BBS9: variants seen among roughly 807,000 people sequenced by gnomAD.
BBS9 encodes the protein Bardet-Biedl syndrome 9.
A neutral mutation model predicts 117.7 loss-of-function variants in BBS9; 89 were observed. The ratio of observed to expected loss-of-function variants is 0.76; its 90% CI spans 0.64 to 0.90. The LOEUF (loss-of-function observed/expected upper bound fraction) is 0.90, where lower values mean the gene tolerates loss of function less well. Among genes scored for constraint, BBS9 ranks in the 40% least tolerant of loss-of-function variants. The pLI is 0.00. For missense variants in BBS9, 982 were observed against 1,042.2 expected (o/e 0.94, Z 0.80); for synonymous variants, 379 against 370.9 (o/e 1.02, Z -0.25).
At chr7:33,343,457 TA>T (rs1028825151) in intron 11 of BBS9, among the ~76,000 whole-genome samples, 5 of 151,906 alleles carry the variant, frequency 3.3e-5, no homozygotes, top group African/African-American at 1.2e-4. Context: ...ATGCACTGGT[TA>T]AAAAAAAGTT....
At chr7:33,302,506 T>A (rs999887786) in intron 9 of BBS9, among the ~76,000 whole-genome samples, 1 of 152,182 alleles carries the variant, frequency 6.6e-6, no homozygotes, top group Non-Finnish European at 1.5e-5. Context: ...GATATCTAGG[T>A]TTCTCAGCAT....
rs186083470 is a variant in BBS9, at chr7:33,132,231, G to T, written c.-12+2190G>T. ...GCCGTTTGTTTAGGGTTCTGGAGTAGACAGTCTGGGTTTAGGTACCGCACA... is the reference window on the plus strand; with the variant it reads ...GCCGTTTGTTTAGGGTTCTGGAGTATACAGTCTGGGTTTAGGTACCGCACA... On this transcript the variant is annotated intron_variant, in intron 1 of 22. Coordinates refer to ENST00000242067, the MANE Select transcript of BBS9 (RefSeq NM_198428.3). 3.9e-5 allele frequency among the ~76,000 whole-genome samples: 6 copies of T among 152,332 alleles called. No homozygotes were observed. In the East Asian group the frequency reaches 1.2e-3, roughly 29 times the overall value.
intron 19 of BBS9, among the ~76,000 whole-genome samples, chr7:33,411,790 G>C (rs996900266): frequency 2.6e-5 from 4 of 152,084 alleles, no homozygotes; most frequent in Non-Finnish European, 5.9e-5. Context: ...TTAAAGGATT[G>C]TGCTATCAAA....
chr7:33,628,904 T>A (rs149019290), intron 21 of BBS9, among the ~76,000 whole-genome samples: 3 of 152,314 alleles, frequency 2.0e-5, no homozygotes, highest in Non-Finnish European at 4.4e-5. Flanking sequence ...GCAATACTCT[T>A]GCCTGCTTTC....
intron 21 of BBS9, among the ~76,000 whole-genome samples, chr7:33,625,843 A>G (rs2129225780): frequency 6.6e-6 from 1 of 152,330 alleles, no homozygotes. Context: ...AGCAATTAGA[A>G]TAAATATATA....
chr7:33,195,054 T>A (rs1039093456), intron 5 of BBS9, among the ~76,000 whole-genome samples: 10 of 152,172 alleles, frequency 6.6e-5, no homozygotes, highest in African/African-American at 2.4e-4. Flanking sequence ...CTTCCTAATA[T>A]AGTAACTGTT....
intron 19 of BBS9, among the ~76,000 whole-genome samples, chr7:33,499,992 CT>C (rs889154273): frequency 5.9e-5 from 9 of 152,168 alleles, no homozygotes; most frequent in African/African-American, 2.2e-4. Context: ...TAGAAAATGT[CT>C]GTTTTCTAAA....
chr7:33,200,611 G>A (rs1785678975), intron 5 of BBS9, among the ~76,000 whole-genome samples: 1 of 152,030 alleles, frequency 6.6e-6, no homozygotes, highest in African/African-American at 2.4e-5. Context: ...ATTCCTGAAG[G>A]TTTTCCTGGC....
intron 4 of BBS9, among the ~76,000 whole-genome samples, chr7:33,169,908 A>T (rs187223324): frequency 1.3e-5 from 2 of 151,788 alleles, no homozygotes; most frequent in African/African-American, 2.4e-5. Context: ...CTGAATGGTA[A>T]TGCCTAGGTT....
At chr7:33,250,261 T>C (rs1796020539) in intron 5 of BBS9, among the ~76,000 whole-genome samples, 1 of 152,192 alleles carries the variant, frequency 6.6e-6, no homozygotes, top group African/African-American at 2.4e-5. Flanking sequence ...TTACTAAAAA[T>C]TATAACTAAT....
chr7:33,469,886 G>T (rs1840728011), intron 19 of BBS9, among the ~76,000 whole-genome samples: 1 of 152,024 alleles, frequency 6.6e-6, no homozygotes, highest in Non-Finnish European at 1.5e-5. Flanking sequence ...AAACCAGCTG[G>T]CTCTGTTGTC....
At chr7:33,427,485 T>C (rs1584786254) in intron 19 of BBS9, among the ~76,000 whole-genome samples, 1 of 152,338 alleles carries the variant, frequency 6.6e-6, no homozygotes, top group African/African-American at 2.4e-5. Flanking sequence ...TCTCAGTTCC[T>C]ATAGATTTCC....
At chr7:33,525,295 G>C (rs1444472103) in intron 20 of BBS9, among the ~76,000 whole-genome samples, 8 of 131,970 alleles carry the variant, frequency 6.1e-5, no homozygotes, top group Non-Finnish European at 1.3e-4. Flanking sequence ...TCAATTCCTG[G>C]GTATCCTTGT....
chr7:33,368,374 A>G (rs1822195552), intron 17 of BBS9, among the ~76,000 whole-genome samples: 1 of 152,132 alleles, frequency 6.6e-6, no homozygotes, highest in South Asian at 2.1e-4. Flanking sequence ...TATATAGTCA[A>G]GTTTGAATTT....
At chr7:33,498,825 G>A (rs149761148) in intron 19 of BBS9, among the ~76,000 whole-genome samples, 25 of 152,152 alleles carry the variant, frequency 1.6e-4, no homozygotes, top group Admixed American at 3.3e-4. Context: ...ATAACTATTC[G>A]TGAGCAGGTT....
intron 21 of BBS9, among the ~76,000 whole-genome samples, chr7:33,616,474 AATAT>A (rs942667427): frequency 7.0e-6 from 1 of 143,524 alleles, no homozygotes; most frequent in Non-Finnish European, 1.5e-5. Flanking sequence ...AACTTTATAT[AATAT>A]ATGTGTGTGT....
chr7:33,224,208 C>T (rs960004776), intron 5 of BBS9, among the ~76,000 whole-genome samples: 13 of 152,050 alleles, frequency 8.5e-5, no homozygotes, highest in Non-Finnish European at 1.8e-4. Flanking sequence ...CTTATTTAAT[C>T]GCCAAAACAA....
intron 3 of BBS9, 91 bp from the exon 4 acceptor site, chr7:33,155,547 G>C: frequency 2.5e-6 from 2 of 808,758 alleles, no homozygotes; most frequent in South Asian, 1.5e-5. Context: ...AGTGGCTGTG[G>C]TTATGAGATC....
At chr7:33,558,278 G>A (rs991606338) in intron 21 of BBS9, among the ~76,000 whole-genome samples, 1 of 152,166 alleles carries the variant, frequency 6.6e-6, no homozygotes, top group East Asian at 1.9e-4. Flanking sequence ...ATTAGATGAA[G>A]GCAGTAAGCA....
Sources: gnomAD v4.1 joint callset for allele counts (sites outside exome capture counted in the v4.1 genomes callset) on GRCh38, gnomAD v4.1.1 for gene constraint, MANE v1.5 for transcripts, NCBI Gene and HGNC (gene_info 2026-07-23, HGNC 2026-07-21) for gene names.